ABCA12: variants seen among roughly 807,000 people sequenced by gnomAD.
ABCA12 encodes the protein ATP binding cassette subfamily A member 12, also known as glucosylceramide transporter ABCA12.
Under a neutral mutation model 293.5 loss-of-function variants are expected in ABCA12, and 156 were observed. The ratio of observed to expected loss-of-function variants is 0.53; its 90% CI spans 0.47 to 0.61. The LOEUF (loss-of-function observed/expected upper bound fraction) is 0.61, where lower values mean the gene tolerates loss of function less well. ABCA12 is among the 20% of genes least tolerant of loss of function. The probability of loss-of-function intolerance (pLI) is 0.00; values close to 1 mark genes in which losing one functional copy is unlikely to be tolerated. For missense variants in ABCA12, 2,797 were observed against 3,090.2 expected (o/e 0.91, Z 2.25); for synonymous variants, 1,063 against 1,108.0 (o/e 0.96, Z 0.81).
chr2:215,130,336 G>C (rs1162318588), intron 1 of ABCA12, among the ~76,000 whole-genome samples: 1 of 151,844 alleles, frequency 6.6e-6, no homozygotes, highest in Non-Finnish European at 1.5e-5. Flanking sequence ...TAACAATATT[G>C]ACTCTTCCAA....
rs202037826 is a variant in ABCA12, at chr2:214,978,851, C to G, written c.4930G>C (p.Asp1644His). Residue 1644 changes from aspartate to histidine, a missense_variant, in exon 32 of 53, where the codon GAC (aspartate) becomes CAC (histidine). This residue lies in a region of ABCA12 where 2,130 missense variants were observed against 2,427.0 expected (regional missense o/e 0.88). Coordinates refer to ENST00000272895, the MANE Select transcript of ABCA12 (RefSeq NM_173076.3). ...LLRALDNGMG[D>H]LNIGCYGISD... ...ATGCCGTAGCACCCGATGTTGAGGTCACCCATGCCATTGTCGAGTGCCCGT... is the reference window on the plus strand; with the variant it reads ...ATGCCGTAGCACCCGATGTTGAGGTGACCCATGCCATTGTCGAGTGCCCGT... The G allele has an allele frequency of 3.7e-6, 6 of 1,613,886 alleles. No homozygotes were observed. The highest frequency in any genetic ancestry group is 3.3e-5 in the Admixed American group (2 of 59,994).
intron 30 of ABCA12, 88 bp from the exon 31 acceptor site, chr2:214,980,731 A>ACT: frequency 1.3e-6 from 2 of 1,518,554 alleles, no homozygotes; most frequent in Non-Finnish European, 9.1e-7. Flanking sequence ...AAATCCTGTG[A>ACT]CATCTGAGAA....
rs1559134350 is a variant in ABCA12 at position 214,990,885 on chromosome 2, CA to C, written c.3440del (p.Leu1147CysfsTer15). 1 of 1,613,946 alleles carries C rather than the reference CA, an allele frequency of 6.2e-7. No homozygotes were observed. Among genetic ancestry groups the C allele is most frequent in the South Asian group, 1.1e-5 (1 of 91,048 alleles). On this transcript the variant is annotated frameshift_variant, in exon 24 of 53. Transcript: ENST00000272895. LOFTEE classifies it high-confidence loss of function. ...AGCTGTAGTCCGAAAAATACAGGAACAAAATGAACCCATTTGTTTTAGGAAG... is the reference window on the plus strand; with the variant it reads ...AGCTGTAGTCCGAAAAATACAGGAACAAATGAACCCATTTGTTTTAGGAAG... ...NILPKTNGFI[L>X]FLYFSDYSFS... is the part of the protein sequence containing the mutation.
intron 2 of ABCA12, among the ~76,000 whole-genome samples, chr2:215,077,963 G>C (rs1444936516): frequency 1.3e-5 from 2 of 152,150 alleles, no homozygotes; most frequent in African/African-American, 4.8e-5. Context: ...CAGATATTCA[G>C]TCAATCCTTT....
At chr2:215,131,794 C>T (rs138420471) in intron 1 of ABCA12, among the ~76,000 whole-genome samples, 8 of 134,040 alleles carry the variant, frequency 6.0e-5, no homozygotes, top group Admixed American at 1.5e-4. Flanking sequence ...TTTTATTTTG[C>T]TCTTGTTTTT....
intron 29 of ABCA12, 50 bp from the exon 30 acceptor site, chr2:214,982,433 G>A (rs1699690102): frequency 6.7e-7 from 1 of 1,491,258 alleles, no homozygotes; most frequent in Non-Finnish European, 9.3e-7. Flanking sequence ...TACTATTTGA[G>A]TACTGGAAAC....
At chr2:214,935,881 C>A (rs931710037) in intron 51 of ABCA12, among the ~76,000 whole-genome samples, 4 of 152,102 alleles carry the variant, frequency 2.6e-5, no homozygotes, top group African/African-American at 9.7e-5. Flanking sequence ...GAGGCTGAGG[C>A]AAAGGTATTT....
intron 40 of ABCA12, 130 bp downstream of exon 40, chr2:214,958,894 C>A: frequency 9.8e-7 from 1 of 1,025,096 alleles, no homozygotes; most frequent in South Asian, 1.3e-5. Context: ...TGATCCCAGT[C>A]AGTGACATAT....
Position 214,932,341 on chromosome 2 carries a change from T to G in ABCA12, c.*293A>C. On this transcript the variant is annotated 3_prime_UTR_variant, in exon 53 of 53. Transcript: ENST00000272895. Reference sequence around the variant, plus strand: ...TGTCTTTTTATTGAAAGTAATAAATTAAGATATTCATCTTGAGGTGGCTTC... The same window carrying G: ...TGTCTTTTTATTGAAAGTAATAAATGAAGATATTCATCTTGAGGTGGCTTC... 3.0e-6 allele frequency: 1 copy of G among 334,450 alleles called. No homozygotes were observed. Among genetic ancestry groups the G allele is most frequent in the East Asian group, 6.5e-5 (1 of 15,424 alleles). The allele number at this position is 334,450 out of a possible 1,614,324, so 20.7% of individuals were successfully genotyped here.
intron 51 of ABCA12, among the ~76,000 whole-genome samples, chr2:214,935,602 G>C (rs1698195076): frequency 6.6e-6 from 1 of 152,126 alleles, no homozygotes; most frequent in African/African-American, 2.4e-5. Context: ...TTCAAGACCA[G>C]CTTGGGCAAC....
At chr2:215,053,665 T>G (rs1461956782) in intron 4 of ABCA12, among the ~76,000 whole-genome samples, 1 of 152,052 alleles carries the variant, frequency 6.6e-6, no homozygotes, top group Non-Finnish European at 1.5e-5. Context: ...CAACTTGCAT[T>G]GGAATGTTAT....
At chr2:214,948,561 T>C in intron 47 of ABCA12, 35 bp downstream of exon 47, 1 of 1,611,538 alleles carries the variant, frequency 6.2e-7, no homozygotes, top group Middle Eastern at 1.7e-4. Flanking sequence ...ACAATAATGG[T>C]TTCAAATTAA....
intron 22 of ABCA12, among the ~76,000 whole-genome samples, chr2:214,998,904 G>A (rs1370267044): frequency 1.3e-5 from 2 of 152,108 alleles, no homozygotes; most frequent in Non-Finnish European, 2.9e-5. Flanking sequence ...CTCCACTCAA[G>A]CTTTCACTTG....
intron 28 of ABCA12, 63 bp from the exon 29 acceptor site, chr2:214,983,928 A>T: frequency 7.0e-7 from 1 of 1,425,188 alleles, no homozygotes; most frequent in Non-Finnish European, 9.8e-7. Flanking sequence ...ATTAGGAATA[A>T]CTATATCTCA....
intron 2 of ABCA12, among the ~76,000 whole-genome samples, chr2:215,091,871 C>T (rs149155941): frequency 0.052 from 7,791 of 149,180 alleles, 627 homozygotes; most frequent in African/African-American, 0.18. Flanking sequence ...CTTCAAGTGC[C>T]GGAAATCTGG....
intron 2 of ABCA12, among the ~76,000 whole-genome samples, chr2:215,102,322 G>C (rs1702375758): frequency 6.6e-6 from 1 of 152,250 alleles, no homozygotes; most frequent in Non-Finnish European, 1.5e-5. Flanking sequence ...GTCTAGGCCT[G>C]ACGCAATGGC....
intron 4 of ABCA12, among the ~76,000 whole-genome samples, chr2:215,054,299 T>A (rs931533674): frequency 6.6e-6 from 1 of 151,978 alleles, no homozygotes; most frequent in African/African-American, 2.4e-5. Context: ...AACTAAAGAG[T>A]CTAGAGTCAG....
intron 2 of ABCA12, among the ~76,000 whole-genome samples, chr2:215,089,328 C>A (rs993017924): frequency 6.6e-6 from 1 of 151,926 alleles, no homozygotes; most frequent in East Asian, 1.9e-4. Flanking sequence ...AAAGGAAAAG[C>A]ATTACTAGGC....
rs1213589802 is a variant in ABCA12 at position 214,980,369 on chromosome 2, A to G, written c.4740+114T>C. 7 of 1,401,712 alleles carry G rather than the reference A, an allele frequency of 5.0e-6. No homozygotes were observed. The East Asian group carries it at 1.7e-4, about 33-fold the overall frequency. 86.8% of individuals were successfully genotyped at this position (1,401,712 alleles called of 1,614,324 possible). A position where few individuals can be genotyped will look rare whatever the true frequency, so the allele number is the denominator to read the frequency against. On this transcript the variant is annotated intron_variant, in intron 31 of 52. Coordinates refer to ENST00000272895, the MANE Select transcript of ABCA12 (RefSeq NM_173076.3). The stretch of plus-strand genomic sequence containing the variant: ...GCTCACTCAAATATGAGAAGCAGTA[A>G]GCTAGTATACTAATGAATTTTAGCA...
Sources: gnomAD v4.1 joint callset for allele counts (sites outside exome capture counted in the v4.1 genomes callset) on GRCh38, gnomAD v4.1.1 for gene constraint, gnomAD v4.1.1 regional missense constraint, MANE v1.5 for transcripts, NCBI Gene and HGNC (gene_info 2026-07-23, HGNC 2026-07-21) for gene names.